Variants in SPATA16 observed in about 807,000 individuals in gnomAD.
SPATA16 encodes spermatogenesis associated 16.
A neutral mutation model predicts 63.3 loss-of-function variants in SPATA16; 36 were observed. The observed-to-expected ratio is 0.57, with a 90% CI of 0.44 to 0.75. The LOEUF (loss-of-function observed/expected upper bound fraction) is 0.75, where lower values mean the gene tolerates loss of function less well. SPATA16 is among the 30% of genes least tolerant of loss of function. The pLI is 0.00. For missense variants in SPATA16, 646 were observed against 679.3 expected (o/e 0.95, Z 0.54); for synonymous variants, 203 against 216.7 (o/e 0.94, Z 0.56).
chr3:172,929,580 C>T (rs1020928896), intron 6 of SPATA16, among the ~76,000 whole-genome samples: 30 of 152,164 alleles, frequency 2.0e-4, no homozygotes, highest in African/African-American at 7.0e-4. Context: ...CTCTGACACA[C>T]ACACACACAT....
chr3:173,108,444 A>G (rs1333202802), intron 2 of SPATA16, among the ~76,000 whole-genome samples: 4 of 152,132 alleles, frequency 2.6e-5, no homozygotes, highest in Non-Finnish European at 5.9e-5. Flanking sequence ...TTTAAAAGAG[A>G]AGGAAGTGAT....
At chr3:172,933,077 C>T (rs1284285714) in intron 6 of SPATA16, among the ~76,000 whole-genome samples, 2 of 152,040 alleles carry the variant, frequency 1.3e-5, no homozygotes, top group African/African-American at 4.8e-5. Flanking sequence ...GATCTTTATT[C>T]TGGGCTTTAT....
At position 172,931,105 on chromosome 3, in the gene SPATA16, T is replaced by G. The variant is rs372024954; in HGVS notation, c.1082-5613A>C. On this transcript the variant is annotated intron_variant, in intron 6 of 10. Coordinates refer to ENST00000351008, the MANE Select transcript of SPATA16 (RefSeq NM_031955.6). ...TCCCAAAGTGCTGGGATTACAGGCGTGAGCCACCGTGCTCGGCCTCAAACT... is the reference window on the plus strand; with the variant it reads ...TCCCAAAGTGCTGGGATTACAGGCGGGAGCCACCGTGCTCGGCCTCAAACT... Among the ~76,000 whole-genome samples the G allele has an allele frequency of 5.9e-5, 9 of 152,246 alleles. 1 individual carries two copies. The highest frequency in any genetic ancestry group is 1.3e-4 in the Admixed American group (2 of 15,300).
At chr3:173,020,912 T>A (rs1365885622) in intron 3 of SPATA16, among the ~76,000 whole-genome samples, 3 of 152,230 alleles carry the variant, frequency 2.0e-5, no homozygotes, top group Admixed American at 6.5e-5. Flanking sequence ...AGTAAGTGGT[T>A]CTTAACCTTT....
At chr3:172,921,434 A>G (rs1732613194) in intron 8 of SPATA16, among the ~76,000 whole-genome samples, 1 of 152,200 alleles carries the variant, frequency 6.6e-6, no homozygotes, top group Non-Finnish European at 1.5e-5. Context: ...TCACACGAGC[A>G]TGGTCACAGC....
At chr3:172,889,803 G>A in intron 10 of SPATA16, 111 bp from the exon 11 acceptor site, 1 of 1,426,098 alleles carries the variant, frequency 7.0e-7, no homozygotes, top group East Asian at 2.4e-5. Flanking sequence ...ATCCATGTTG[G>A]AACAGAACTG....
chr3:172,902,601 C>T (rs901461871), intron 10 of SPATA16, among the ~76,000 whole-genome samples: 2 of 152,080 alleles, frequency 1.3e-5, no homozygotes, highest in Non-Finnish European at 1.5e-5. Context: ...AGTTAAAAGC[C>T]TTTCAAATTT....
intron 2 of SPATA16, among the ~76,000 whole-genome samples, chr3:173,070,502 A>C (rs1394620692): frequency 6.6e-6 from 1 of 152,200 alleles, no homozygotes; most frequent in East Asian, 1.9e-4. Flanking sequence ...AGGGCATCCA[A>C]ATTAGAAAGG....
At chr3:173,049,973 A>G (rs1340208633) in intron 2 of SPATA16, among the ~76,000 whole-genome samples, 1 of 151,892 alleles carries the variant, frequency 6.6e-6, no homozygotes. Flanking sequence ...GCTCTTTTCT[A>G]CTTCCATCTA....
At chr3:172,910,497 T>C (rs1328729369) in intron 10 of SPATA16, among the ~76,000 whole-genome samples, 1 of 152,154 alleles carries the variant, frequency 6.6e-6, no homozygotes, top group Non-Finnish European at 1.5e-5. Context: ...TTAGATAATA[T>C]GTAAATAAAT....
At chr3:173,132,443 T>C (rs1396026613) in intron 1 of SPATA16, among the ~76,000 whole-genome samples, 3 of 152,052 alleles carry the variant, frequency 2.0e-5, no homozygotes, top group East Asian at 3.9e-4. Context: ...TAAAAGTAAA[T>C]ATGTAAGAAT....
chr3:172,998,670 G>A (rs1027472761), intron 4 of SPATA16, among the ~76,000 whole-genome samples: 1 of 152,118 alleles, frequency 6.6e-6, no homozygotes, highest in Non-Finnish European at 1.5e-5. Flanking sequence ...AATGTTAGCT[G>A]TAGGTTTTTT....
chr3:173,052,970 T>C (rs552866912), intron 2 of SPATA16, among the ~76,000 whole-genome samples: 1 of 152,314 alleles, frequency 6.6e-6, no homozygotes, highest in East Asian at 1.9e-4. Context: ...GAATACAGTA[T>C]GGACAAATTA....
intron 6 of SPATA16, among the ~76,000 whole-genome samples, chr3:172,945,831 T>C (rs1436937704): frequency 6.6e-6 from 1 of 152,092 alleles, no homozygotes; most frequent in Non-Finnish European, 1.5e-5. Flanking sequence ...ACCTCAATTA[T>C]TGGGTAAGTT....
intron 10 of SPATA16, among the ~76,000 whole-genome samples, chr3:172,909,198 T>C (rs1210056569): frequency 6.6e-6 from 1 of 152,180 alleles, no homozygotes; most frequent in Non-Finnish European, 1.5e-5. Flanking sequence ...ATGTATGATT[T>C]CTAGCCTGGG....
intron 6 of SPATA16, among the ~76,000 whole-genome samples, chr3:172,935,340 A>C (rs939320990): frequency 5.9e-5 from 9 of 152,188 alleles, no homozygotes; most frequent in Admixed American, 3.3e-4. Flanking sequence ...ATCTCAAACA[A>C]ACACACAAAC....
intron 3 of SPATA16, among the ~76,000 whole-genome samples, chr3:173,024,040 T>C (rs1456093059): frequency 6.6e-6 from 1 of 151,536 alleles, no homozygotes; most frequent in Non-Finnish European, 1.5e-5. Flanking sequence ...TTAACGAGAT[T>C]CTTAGTTGAT....
intron 1 of SPATA16, among the ~76,000 whole-genome samples, chr3:173,138,727 G>T (rs527597611): frequency 1.3e-5 from 2 of 152,272 alleles, no homozygotes; most frequent in Admixed American, 6.5e-5. Flanking sequence ...CTAGATGACA[G>T]TGTGAATTCA....
chr3:173,048,434 T>A (rs905343037), intron 3 of SPATA16, among the ~76,000 whole-genome samples: 10 of 151,940 alleles, frequency 6.6e-5, no homozygotes, highest in African/African-American at 2.4e-4. Flanking sequence ...TACATACTTC[T>A]AAAGAAGGAT....
Sources: gnomAD v4.1 joint callset for allele counts (sites outside exome capture counted in the v4.1 genomes callset) on GRCh38, gnomAD v4.1.1 for gene constraint, MANE v1.5 for transcripts, NCBI Gene and HGNC (gene_info 2026-07-23, HGNC 2026-07-21) for gene names.